CTNNA2: variants seen among roughly 807,000 people sequenced by gnomAD.
CTNNA2 encodes catenin alpha 2.
A neutral mutation model predicts 101.0 loss-of-function variants in CTNNA2; 42 were observed. That is an observed-to-expected ratio of 0.42 (90% CI 0.32 to 0.54). The LOEUF (loss-of-function observed/expected upper bound fraction) is 0.54. CTNNA2 is among the 20% of genes least tolerant of loss of function. CTNNA2 has a pLI of 0.14. For synonymous variants in CTNNA2, 450 were observed against 456.4 expected, an observed-to-expected ratio of 0.99 and a Z score of 0.18; for missense variants, 871 against 1,223.1, an observed-to-expected ratio of 0.71 and a Z score of 4.29.
At chr2:79,233,199 A>G (rs1292102784) in intron 2 of CTNNA2, among the ~76,000 whole-genome samples, 1 of 152,196 alleles carries the variant, frequency 6.6e-6, no homozygotes, top group East Asian at 1.9e-4. Flanking sequence ...TTTAGCACAT[A>G]AACTTTCCTT....
intron 3 of CTNNA2, among the ~76,000 whole-genome samples, chr2:79,838,297 A>G (rs1305738574): frequency 6.6e-6 from 1 of 152,138 alleles, no homozygotes. Flanking sequence ...CTCAAAGAAG[A>G]ACAAAAGCAG....
intron 7 of CTNNA2, among the ~76,000 whole-genome samples, chr2:80,206,201 G>T (rs778080184): frequency 3.3e-4 from 51 of 152,262 alleles, no homozygotes; most frequent in Non-Finnish European, 6.6e-4. Flanking sequence ...TTCCGACCAT[G>T]TCACTACAGA....
At chr2:79,752,863 C>T (rs1478099145) in intron 3 of CTNNA2, among the ~76,000 whole-genome samples, 1 of 151,874 alleles carries the variant, frequency 6.6e-6, no homozygotes, top group Non-Finnish European at 1.5e-5. Flanking sequence ...AGAGAAGGAG[C>T]CATAATTATA....
At chr2:79,846,824 T>C (rs1680265724) in intron 3 of CTNNA2, among the ~76,000 whole-genome samples, 1 of 152,232 alleles carries the variant, frequency 6.6e-6, no homozygotes, top group Admixed American at 6.5e-5. Flanking sequence ...TGTAGTAATT[T>C]AGATACTGAA....
In CTNNA2 at chr2:80,632,201, A is replaced by G. The variant is rs577898719; in HGVS notation, c.2574+12973A>G. On this transcript the variant is annotated intron_variant, in intron 18 of 18. Transcript: ENST00000402739. ...TTAGTGGAGAACATACCAGCATACC[A>G]GTAAAGGTGGGCAAGAAGCTACTTA... is the stretch of plus-strand genomic sequence containing the variant. 2.6e-5 allele frequency among the ~76,000 whole-genome samples: 4 copies of G among 152,118 alleles called. No homozygotes were observed. The East Asian group carries it at 7.8e-4, about 30-fold the overall frequency.
At chr2:79,600,334 C>G (rs1341894887) in intron 1 of CTNNA2, among the ~76,000 whole-genome samples, 4 of 152,080 alleles carry the variant, frequency 2.6e-5, no homozygotes, top group Non-Finnish European at 5.9e-5. Context: ...TGCCACCATG[C>G]CTGGCTAATT....
intron 4 of CTNNA2, among the ~76,000 whole-genome samples, chr2:79,410,607 G>A (rs1678398585): frequency 6.6e-6 from 1 of 151,974 alleles, no homozygotes; most frequent in Non-Finnish European, 1.5e-5. Flanking sequence ...TACATTTATT[G>A]ATTTGTGTAT....
chr2:80,469,455 G>A (rs539972089), intron 9 of CTNNA2, among the ~76,000 whole-genome samples: 1 of 152,198 alleles, frequency 6.6e-6, no homozygotes. Context: ...AGATATTACG[G>A]AGTTTACTGA....
At chr2:79,296,754 G>C (rs1675989019) in intron 2 of CTNNA2, among the ~76,000 whole-genome samples, 1 of 152,108 alleles carries the variant, frequency 6.6e-6, no homozygotes, top group African/African-American at 2.4e-5. Flanking sequence ...TTGTCCAGAG[G>C]ATCCTTCTAA....
At chr2:79,629,271 A>G (rs200977053) in intron 1 of CTNNA2, among the ~76,000 whole-genome samples, 6 of 49,284 alleles carry the variant, frequency 1.2e-4, no homozygotes, top group East Asian at 4.2e-3. Flanking sequence ...ATTGCCTTTG[A>G]AAGGTACTGA....
At chr2:79,900,916 A>G (rs953266750) in intron 6 of CTNNA2, among the ~76,000 whole-genome samples, 8 of 152,186 alleles carry the variant, frequency 5.3e-5, no homozygotes, top group African/African-American at 1.9e-4. Context: ...TGTGTACCCC[A>G]TAAATAGATA....
intron 2 of CTNNA2, among the ~76,000 whole-genome samples, chr2:79,703,175 A>G (rs1685125235): frequency 6.6e-6 from 1 of 152,204 alleles, no homozygotes; most frequent in Admixed American, 6.6e-5. Flanking sequence ...TTTTTCTGCT[A>G]CATTTGACAA....
Position 80,105,392 on chromosome 2 carries a change from G to T in CTNNA2, c.1056+195595G>T, listed in dbSNP as rs1700815647. On this transcript the variant is annotated intron_variant, in intron 7 of 18. Coordinates refer to ENST00000402739, the MANE Select transcript of CTNNA2 (RefSeq NM_001282597.3). ...GAAGTTGAGAATTGCCTAGGCAAAG[G>T]GTTTATCAGGTACATAAAGCTTTAC... 2.0e-5 allele frequency among the ~76,000 whole-genome samples: 3 copies of T among 152,228 alleles called. No individual in the cohort carries two copies. The South Asian group carries it at 6.2e-4, about 32-fold the overall frequency.
At chr2:79,693,331 T>G (rs187270072) in intron 2 of CTNNA2, among the ~76,000 whole-genome samples, 3 of 152,126 alleles carry the variant, frequency 2.0e-5, no homozygotes, top group South Asian at 2.1e-4. Context: ...TTATGAAAAT[T>G]TTTCAAAACT....
At chr2:79,590,502 G>A (rs1031990828) in intron 1 of CTNNA2, among the ~76,000 whole-genome samples, 7 of 152,056 alleles carry the variant, frequency 4.6e-5, no homozygotes, top group African/African-American at 1.7e-4. Flanking sequence ...GCTTGCTGAA[G>A]GAATGACAGG....
intron 7 of CTNNA2, among the ~76,000 whole-genome samples, chr2:80,078,150 A>G (rs557584894): frequency 6.6e-6 from 1 of 152,326 alleles, no homozygotes; most frequent in South Asian, 2.1e-4. Flanking sequence ...CTAGATGCTA[A>G]GTCCAGTGTT....
At chr2:80,521,393 C>A (rs147018714) in intron 9 of CTNNA2, among the ~76,000 whole-genome samples, 2 of 152,326 alleles carry the variant, frequency 1.3e-5, no homozygotes, top group South Asian at 2.1e-4. Flanking sequence ...CTGATCCCCC[C>A]ACAGTTGCTC....
chr2:79,564,690 AT>A (rs1379632697), intron 1 of CTNNA2, among the ~76,000 whole-genome samples: 2 of 152,118 alleles, frequency 1.3e-5, no homozygotes, highest in Non-Finnish European at 2.9e-5. Flanking sequence ...GTGAACTCAC[AT>A]TTTTTTCTCA....
In CTNNA2 at chr2:79,616,909, C is replaced by CTTTTTTTTTTTTTT. The variant is rs1425285033; in HGVS notation, c.-5-34634_-5-34633insTTTTTTTTTTTTTT. 4.8e-3 allele frequency among the ~76,000 whole-genome samples: 698 copies of CTTTTTTTTTTTTTT among 146,196 alleles called. 24 individuals carry two copies. The East Asian group carries it at 0.075, about 16-fold the overall frequency. Reference sequence around the variant, plus strand: ...ATAATATTTAATATTTTCTTTCTTTCTTTTTTTTTCGAGACACAGTCTTGC... The same window carrying CTTTTTTTTTTTTTT: ...ATAATATTTAATATTTTCTTTCTTTCTTTTTTTTTTTTTTTTTTTTTTTCGAGACACAGTCTTGC... On this transcript the variant is annotated intron_variant, in intron 1 of 18. Transcript: ENST00000402739.
Sources: gnomAD v4.1 joint callset for allele counts (sites outside exome capture counted in the v4.1 genomes callset) on GRCh38, gnomAD v4.1.1 for gene constraint, MANE v1.5 for transcripts, NCBI Gene and HGNC (gene_info 2026-07-23, HGNC 2026-07-21) for gene names.